ANP32A: variants seen among roughly 807,000 people sequenced by gnomAD.
The protein encoded by ANP32A is acidic leucine-rich nuclear phosphoprotein 32 family member A.
ANP32A carries 1 observed loss-of-function variant against 33.9 expected under a neutral mutation model. The observed-to-expected ratio is 0.03, with a 90% CI of 0.01 to 0.14. The LOEUF (loss-of-function observed/expected upper bound fraction) is 0.14. Ranked by LOEUF, ANP32A falls within the 10% of genes least tolerant of loss-of-function variation. The probability of loss-of-function intolerance (pLI) is 1.00; values close to 1 mark genes in which losing one functional copy is unlikely to be tolerated. For synonymous variants in ANP32A, 115 were observed against 120.5 expected (o/e 0.95, Z 0.30); for missense variants, 155 against 306.0 (o/e 0.51, Z 3.68).
intron 1 of ANP32A, among the ~76,000 whole-genome samples, chr15:68,795,889 A>G (rs1894057331): frequency 1.3e-5 from 2 of 152,132 alleles, no homozygotes. Context: ...CCTCTAGCCC[A>G]GGCCTGTCTG....
At chr15:68,805,439 TA>T (rs1188710911) in intron 1 of ANP32A, among the ~76,000 whole-genome samples, 7 of 152,242 alleles carry the variant, frequency 4.6e-5, no homozygotes, top group Non-Finnish European at 2.9e-5. Flanking sequence ...TTATTGTTAA[TA>T]AATGCAATTT....
At chr15:68,784,634 T>C (rs1893910152) in intron 3 of ANP32A, 39 bp from the exon 4 acceptor site, 1 of 1,609,788 alleles carries the variant, frequency 6.2e-7, no homozygotes, top group Non-Finnish European at 8.5e-7. Context: ...AAGTGATTTG[T>C]GGGAGGAAGG....
At chr15:68,803,626 A>C (rs1378963337) in intron 1 of ANP32A, among the ~76,000 whole-genome samples, 1 of 152,102 alleles carries the variant, frequency 6.6e-6, no homozygotes, top group Non-Finnish European at 1.5e-5. Context: ...CCACAGAGGA[A>C]ACCCACACAC....
intron 1 of ANP32A, among the ~76,000 whole-genome samples, chr15:68,804,096 G>A (rs978281323): frequency 2.0e-5 from 3 of 152,004 alleles, no homozygotes; most frequent in Non-Finnish European, 2.9e-5. Context: ...CACTGCGCCC[G>A]GCCCACAATA....
chr15:68,787,383 T>TG, intron 3 of ANP32A, 30 bp downstream of exon 3: 1 of 1,613,980 alleles, frequency 6.2e-7, no homozygotes, highest in Non-Finnish European at 8.5e-7. Flanking sequence ...CTCCTACCCC[T>TG]GCAGGGAGGG....
intron 1 of ANP32A, among the ~76,000 whole-genome samples, chr15:68,803,845 A>G (rs1432736077): frequency 8.4e-6 from 1 of 118,556 alleles, no homozygotes; most frequent in Non-Finnish European, 1.6e-5. Flanking sequence ...CTCTGTTGCC[A>G]GGCTGGAGTG....
rs1893908024 is a variant in ANP32A, at chr15:68,784,443, A to G, written c.480T>C (p.Ala160=). ...CATCCAGGCCCTCCACGTAGCCCTC[A>G]GCATCCGAGTCAGGGGCCTCCTTGT... ...RDDKEAPDSD[A]EGYVEGLDDE... Residue 160 remains alanine (A), a synonymous_variant, in exon 4 of 7, where the codon GCT becomes GCC. Transcript: ENST00000465139. 5.0e-6 allele frequency: 8 copies of G among 1,614,084 alleles called. No individual in the cohort carries two copies. The highest frequency in any genetic ancestry group is 1.6e-4 in the Middle Eastern group (1 of 6,062).
At chr15:68,787,295 ACAT>A in intron 3 of ANP32A, 115 bp downstream of exon 3, 1 of 1,380,024 alleles carries the variant, frequency 7.2e-7, no homozygotes, top group Non-Finnish European at 1.0e-6. Flanking sequence ...ATCTCATAGC[ACAT>A]CATGAGAGTC....
In ANP32A at chr15:68,780,249, C is replaced by T; in HGVS notation, c.689-107G>A. 6.4e-7 allele frequency: 1 copy of T among 1,565,578 alleles called. No individual in the cohort carries two copies. The highest frequency in any genetic ancestry group is 8.7e-7 in the Non-Finnish European group (1 of 1,153,330). On this transcript the variant is annotated intron_variant, in intron 6 of 6. Transcript: ENST00000465139. The surrounding 1 kb of genome is among the most constrained non-coding windows in gnomAD (Gnocchi z 4.3). ...ACCCATGACTAGCAAGCTGTGCCAT[C>T]CTTGGAAACCGAGGCAAGACATCTG...
chr15:68,804,170 A>C (rs1388855463), intron 1 of ANP32A, among the ~76,000 whole-genome samples: 1 of 152,246 alleles, frequency 6.6e-6, no homozygotes, highest in Non-Finnish European at 1.5e-5. Context: ...AAAGAAATGT[A>C]GCAGATTTTA....
At chr15:68,785,763 C>T (rs1463098441) in intron 3 of ANP32A, among the ~76,000 whole-genome samples, 1 of 152,172 alleles carries the variant, frequency 6.6e-6, no homozygotes, top group Non-Finnish European at 1.5e-5. Flanking sequence ...CATGAACGTG[C>T]CTGAGTGCCT....
chr15:68,779,479 A>C lies in ANP32A; in HGVS notation c.*602T>G, dbSNP rs1266000744. 1 of 152,264 alleles carries C rather than the reference A, an allele frequency of 6.6e-6. No homozygotes were observed. Among genetic ancestry groups the C allele is most frequent in the Non-Finnish European group, 1.5e-5 (1 of 68,090 alleles). 9.4% of individuals were successfully genotyped at this position (152,264 alleles called of 1,614,324 possible). ...AGTAACATCAGAGTCCTCTTTGTAG[A>C]GCGAAGCCCACCACCATCTGTGAAG... On this transcript the variant is annotated 3_prime_UTR_variant, in exon 7 of 7. Coordinates refer to ENST00000465139, the MANE Select transcript of ANP32A (RefSeq NM_006305.4).
intron 1 of ANP32A, among the ~76,000 whole-genome samples, chr15:68,817,971 G>A (rs1033563799): frequency 6.6e-6 from 1 of 152,206 alleles, no homozygotes; most frequent in African/African-American, 2.4e-5. Flanking sequence ...CCCTGGAGGC[G>A]GCTCCTGCCC....
At chr15:68,815,602 T>G (rs1894370290) in intron 1 of ANP32A, among the ~76,000 whole-genome samples, 1 of 152,236 alleles carries the variant, frequency 6.6e-6, no homozygotes, top group South Asian at 2.1e-4. Context: ...GTGATTGCTG[T>G]GGTACTCCTG....
intron 1 of ANP32A, among the ~76,000 whole-genome samples, chr15:68,811,063 GA>G (rs34026847): frequency 0.014 from 1,649 of 117,978 alleles, 36 homozygotes; most frequent in African/African-American, 0.051. Context: ...CTCTGTCTGG[GA>G]AAAAAAAAAA....
At chr15:68,784,107 GTTA>G (rs2140359538) in intron 4 of ANP32A, among the ~76,000 whole-genome samples, 1 of 152,318 alleles carries the variant, frequency 6.6e-6, no homozygotes, top group Admixed American at 6.5e-5. Flanking sequence ...TTTTAAAGGA[GTTA>G]TTATGCAGTT....
chr15:68,797,585 C>T (rs1313289756), intron 1 of ANP32A, among the ~76,000 whole-genome samples: 3 of 152,218 alleles, frequency 2.0e-5, no homozygotes, highest in Admixed American at 2.0e-4. Flanking sequence ...AGACCCCCAC[C>T]CATCAGTGCT....
chr15:68,818,425 C>A (rs1894419748), intron 1 of ANP32A: 1 of 156,486 alleles, frequency 6.4e-6, no homozygotes, highest in Non-Finnish European at 1.4e-5. Flanking sequence ...TTCCTCCTCC[C>A]CCAACCCTTT....
intron 1 of ANP32A, among the ~76,000 whole-genome samples, chr15:68,799,809 A>G (rs1894107228): frequency 6.6e-6 from 1 of 152,240 alleles, no homozygotes; most frequent in Non-Finnish European, 1.5e-5. Context: ...TAGAAGAACA[A>G]TTGAAGGAAC....
Sources: allele counts gnomAD v4.1 joint callset (sites outside exome capture counted in the v4.1 genomes callset), GRCh38; gene constraint gnomAD v4.1.1; non-coding constraint Gnocchi (gnomAD v3.1); transcripts MANE v1.5; gene names NCBI Gene and HGNC (gene_info 2026-07-23, HGNC 2026-07-21).